The following DLG2 variants were observed in gnomAD, a reference collection of about 807,000 sequenced individuals.
The protein encoded by DLG2 is discs large MAGUK scaffold protein 2.
A neutral mutation model predicts 132.5 loss-of-function variants in DLG2; 45 were observed. The ratio of observed to expected loss-of-function variants is 0.34; its 90% CI spans 0.27 to 0.44. The LOEUF is 0.44. DLG2 is among the 20% of genes least tolerant of loss of function. The probability of loss-of-function intolerance (pLI) is 1.00; values close to 1 mark genes in which losing one functional copy is unlikely to be tolerated. For missense variants in DLG2, 1,045 were observed against 1,196.9 expected (o/e 0.87, Z 1.87); for synonymous variants, 424 against 419.6 (o/e 1.01, Z -0.13).
At chr11:84,402,881 C>CAAAGAAAAAAAAAAAAA (rs2098835032) in intron 7 of DLG2, among the ~76,000 whole-genome samples, 1 of 73,914 alleles carries the variant, frequency 1.4e-5, no homozygotes, top group Non-Finnish European at 2.4e-5. Context: ...AACTCCGTCT[C>CAAAGAAAAAAAAAAAAA]AAAAAAAAAA....
intron 12 of DLG2, among the ~76,000 whole-genome samples, chr11:83,974,825 A>T (rs1656418069): frequency 2.0e-5 from 3 of 152,062 alleles, no homozygotes; most frequent in Admixed American, 2.0e-4. Flanking sequence ...CAGCTTTCTC[A>T]TCTGAGTCCA....
chr11:85,268,499 C>T (rs2077348930), intron 4 of DLG2, among the ~76,000 whole-genome samples: 1 of 152,196 alleles, frequency 6.6e-6, no homozygotes, highest in Non-Finnish European at 1.5e-5. Context: ...ACCTTGGGCA[C>T]ATGTCCTCAG....
At chr11:83,645,270 C>G (rs1477157480) in intron 18 of DLG2, among the ~76,000 whole-genome samples, 1 of 152,112 alleles carries the variant, frequency 6.6e-6, no homozygotes, top group African/African-American at 2.4e-5. Flanking sequence ...TGTTGGGACA[C>G]ATTGGGTTTA....
chr11:83,797,051 G>C (rs1021063099), intron 17 of DLG2, among the ~76,000 whole-genome samples: 1 of 152,114 alleles, frequency 6.6e-6, no homozygotes, highest in African/African-American at 2.4e-5. Flanking sequence ...TCTCACAGAG[G>C]GGGAGATTGG....
intron 7 of DLG2, among the ~76,000 whole-genome samples, chr11:84,408,861 G>A (rs191403448): frequency 1.1e-4 from 17 of 152,202 alleles, no homozygotes; most frequent in East Asian, 3.9e-4. Context: ...GTTCAGGGCC[G>A]CCTCTTTCTC....
At chr11:85,465,303 G>C (rs1171259456) in intron 3 of DLG2, among the ~76,000 whole-genome samples, 1 of 150,398 alleles carries the variant, frequency 6.6e-6, no homozygotes, top group Non-Finnish European at 1.5e-5. Flanking sequence ...ACTGCAACTG[G>C]CTAATTTTTT....
At chr11:84,316,056 T>C (rs1448057098) in intron 7 of DLG2, among the ~76,000 whole-genome samples, 1 of 152,048 alleles carries the variant, frequency 6.6e-6, no homozygotes, top group East Asian at 1.9e-4. Context: ...CTCCTTTAAA[T>C]GAAGAGAGAA....
At chr11:84,663,809 AT>A (rs1347754738) in intron 6 of DLG2, among the ~76,000 whole-genome samples, 1 of 152,128 alleles carries the variant, frequency 6.6e-6, no homozygotes, top group Admixed American at 6.5e-5. Flanking sequence ...CTAATTCTTA[AT>A]CATGGGCTGA....
chr11:84,600,225 AG>A lies in DLG2; in HGVS notation c.358-65495del, dbSNP rs1161681938. ...GAAAGAAAGAAAGAAAGAAAGAAAGAGAAAGAAAGACAGAAAAGCAAGCAAG... is the reference window on the plus strand; with the variant it reads ...GAAAGAAAGAAAGAAAGAAAGAAAGAAAAGAAAGACAGAAAAGCAAGCAAG... On this transcript the variant is annotated intron_variant, in intron 6 of 27. Coordinates refer to ENST00000376104, the MANE Select transcript of DLG2 (RefSeq NM_001142699.3). 2.1e-3 allele frequency among the ~76,000 whole-genome samples: 239 copies of A among 113,416 alleles called. 2 individuals are homozygous for A. The highest frequency in any genetic ancestry group is 5.0e-3 in the African/African-American group (117 of 23,236). The allele number at this position is 113,416 out of a possible 152,430, so 74.4% of individuals were successfully genotyped here. A position where few individuals can be genotyped will look rare whatever the true frequency, so the allele number is the denominator to read the frequency against.
intron 6 of DLG2, among the ~76,000 whole-genome samples, chr11:84,553,771 T>C (rs1426502057): frequency 2.6e-5 from 4 of 152,234 alleles, no homozygotes; most frequent in Non-Finnish European, 5.9e-5. Context: ...TTAAAATGTA[T>C]TGTGGACCAT....
At chr11:85,115,091 G>A (rs868698249) in intron 5 of DLG2, among the ~76,000 whole-genome samples, 1 of 151,238 alleles carries the variant, frequency 6.6e-6, no homozygotes, top group East Asian at 1.9e-4. Context: ...GTTTTTTTTC[G>A]GGGTGGGGGT....
chr11:84,220,780 C>CTTTTTTTTTTTTTTTTTTTT (rs5793114), intron 8 of DLG2, among the ~76,000 whole-genome samples: 28 of 77,474 alleles, frequency 3.6e-4, no homozygotes, highest in East Asian at 7.8e-4. Flanking sequence ...TTTTTCTTTT[C>CTTTTTTTTTTTTTTTTTTTT]TTTTTTTTTT....
At chr11:84,493,221 T>G (rs190059565) in intron 7 of DLG2, among the ~76,000 whole-genome samples, 1 of 152,124 alleles carries the variant, frequency 6.6e-6, no homozygotes, top group African/African-American at 2.4e-5. Context: ...TACTGACTCA[T>G]TGGGTAGTTT....
chr11:84,467,994 T>C (rs1037052029), intron 7 of DLG2, among the ~76,000 whole-genome samples: 2 of 151,498 alleles, frequency 1.3e-5, no homozygotes, highest in Non-Finnish European at 3.0e-5. Flanking sequence ...CAACATTCCA[T>C]TCAGTTTGAA....
chr11:84,169,612 C>T (rs1313812536), intron 8 of DLG2, among the ~76,000 whole-genome samples: 1 of 152,100 alleles, frequency 6.6e-6, no homozygotes, highest in African/African-American at 2.4e-5. Flanking sequence ...GTGGCTCACC[C>T]CTATAATCTC....
At chr11:84,112,114 G>A (rs552457500) in intron 9 of DLG2, among the ~76,000 whole-genome samples, 1 of 151,916 alleles carries the variant, frequency 6.6e-6, no homozygotes, top group East Asian at 1.9e-4. Flanking sequence ...CCGGGTTCAT[G>A]CCATTCTCCT....
chr11:84,272,317 A>G (rs765639056), intron 7 of DLG2: 1 of 430,840 alleles, frequency 2.3e-6, no homozygotes, highest in South Asian at 1.7e-5. Context: ...AAAGAAGCAT[A>G]TCTCTTGAGT....
intron 8 of DLG2, among the ~76,000 whole-genome samples, chr11:84,238,019 G>A (rs1379919418): frequency 2.1e-5 from 3 of 141,298 alleles, no homozygotes; most frequent in Non-Finnish European, 4.5e-5. Context: ...ACTCCAGCCC[G>A]GGCGACAGGG....
chr11:85,223,180 T>C (rs920814036), intron 4 of DLG2, among the ~76,000 whole-genome samples: 5 of 152,182 alleles, frequency 3.3e-5, no homozygotes, highest in African/African-American at 1.2e-4. Flanking sequence ...TCAAGAACCA[T>C]TTAGGGTTTT....
Sources: allele counts gnomAD v4.1 joint callset (sites outside exome capture counted in the v4.1 genomes callset), GRCh38; gene constraint gnomAD v4.1.1; transcripts MANE v1.5; gene names NCBI Gene and HGNC (gene_info 2026-07-23, HGNC 2026-07-21).